The following SPAG9 variants were observed in gnomAD, a reference collection of about 807,000 sequenced individuals.
The protein encoded by SPAG9 is C-Jun-amino-terminal kinase-interacting protein 4.
Under a neutral mutation model 166.5 loss-of-function variants are expected in SPAG9, and 35 were observed. The ratio of observed to expected loss-of-function variants is 0.21; its 90% CI spans 0.16 to 0.28. The LOEUF (loss-of-function observed/expected upper bound fraction) is 0.28. SPAG9 is among the 10% of genes least tolerant of loss of function. SPAG9 has a pLI of 1.00. For synonymous variants in SPAG9, 534 were observed against 565.5 expected (o/e 0.94, Z 0.79); for missense variants, 1,235 against 1,603.3 (o/e 0.77, Z 3.92).
intron 6 of SPAG9, among the ~76,000 whole-genome samples, chr17:51,026,866 AG>A (rs1404549415): frequency 6.6e-6 from 1 of 151,598 alleles, no homozygotes; most frequent in Admixed American, 6.6e-5. Context: ...AGTAGAGACG[AG>A]GTTTCTCCAT....
chr17:51,117,648 G>A (rs970094091), intron 1 of SPAG9, among the ~76,000 whole-genome samples: 2 of 140,606 alleles, frequency 1.4e-5, no homozygotes, highest in African/African-American at 5.4e-5. Flanking sequence ...GGCGGAGGCT[G>A]CAGTGAGTCA....
intron 5 of SPAG9, among the ~76,000 whole-genome samples, chr17:51,033,541 A>G (rs1462255752): frequency 1.3e-5 from 2 of 152,250 alleles, no homozygotes; most frequent in African/African-American, 4.8e-5. Flanking sequence ...TTTTAGACAC[A>G]GGATCTTGCG....
intron 3 of SPAG9, among the ~76,000 whole-genome samples, chr17:51,054,116 C>CTTTT (rs1157639358): frequency 2.7e-4 from 20 of 73,958 alleles, no homozygotes; most frequent in East Asian, 5.0e-4. Flanking sequence ...AATGTGAGGG[C>CTTTT]TTTTTTTTTT....
At chr17:51,010,560 C>T (rs889843668) in intron 9 of SPAG9, among the ~76,000 whole-genome samples, 6 of 88,748 alleles carry the variant, frequency 6.8e-5, no homozygotes, top group Non-Finnish European at 1.3e-4. Context: ...TTAAGCAAGG[C>T]AAGAAAAGAA....
chr17:50,991,645 CAG>C (rs1184371389), intron 19 of SPAG9, among the ~76,000 whole-genome samples: 1 of 150,184 alleles, frequency 6.7e-6, no homozygotes, highest in African/African-American at 2.5e-5. Flanking sequence ...TTTTTGGCGA[CAG>C]AGTTTCACTC....
rs375644820 is a variant in SPAG9, at chr17:51,046,370, C to A, written c.590+1005G>T. On this transcript the variant is annotated intron_variant, in intron 4 of 29. Coordinates refer to ENST00000262013, the MANE Select transcript of SPAG9 (RefSeq NM_001130528.3). ...TCTATAAATTACTATAAATTAGAATCAAAAATCCTAGCTTCAGGCCATTTT... is the reference window on the plus strand; with the variant it reads ...TCTATAAATTACTATAAATTAGAATAAAAAATCCTAGCTTCAGGCCATTTT... The A allele has an allele frequency of 3.4e-4, 220 of 649,332 alleles. No individual in the cohort carries two copies. The East Asian group carries it at 4.4e-3, about 13-fold the overall frequency. 40.2% of individuals were successfully genotyped at this position (649,332 alleles called of 1,614,324 possible).
intron 4 of SPAG9, chr17:51,047,014 C>A: frequency 1.7e-6 from 2 of 1,180,600 alleles, no homozygotes; most frequent in Non-Finnish European, 2.2e-6. Context: ...GCTAGCTAAC[C>A]CTTTCAAACA....
At position 50,982,647 on chromosome 17, in the gene SPAG9, A is replaced by G. The variant is rs74915161; in HGVS notation, c.3114T>C (p.Tyr1038=). 1.7e-3 allele frequency: 2,728 copies of G among 1,610,730 alleles called. 53 individuals carry two copies. In the African/African-American group the frequency reaches 0.033, roughly 19 times the overall value. ...GAGGCCGTCCAAGGTCTAAGAGGTGATAGTTTGACAAATCCCACTGCCCAT... is the reference window on the plus strand; with the variant it reads ...GAGGCCGTCCAAGGTCTAAGAGGTGGTAGTTTGACAAATCCCACTGCCCAT... ...GVDGQWDLSN[Y]HLLDLGRPHH... The change falls in exon 25 of 30, where the codon TAT becomes TAC. Residue 1038 remains tyrosine, a synonymous_variant. Transcript: ENST00000262013.
Position 51,021,338 on chromosome 17 carries a change from C to T in SPAG9, c.811G>A (p.Gly271Arg), listed in dbSNP as rs1426743677. ...EDELSDVSQG[G>R]SKATTPASTA... is the part of the protein sequence containing the mutation. The stretch of plus-strand genomic sequence containing the variant: ...GATGCTGGAGTGGTAGCTTTAGATC[C>T]GCCTTGGCTAACATCAGAAAGCTCA... The change falls in exon 7 of 30, where the codon GGA (glycine) becomes AGA (arginine). Residue 271 changes from glycine to arginine, a missense_variant. Gly to Arg is a moderately radical substitution (Grantham distance 125). Coordinates refer to ENST00000262013, the MANE Select transcript of SPAG9 (RefSeq NM_001130528.3). 3.7e-6 allele frequency: 6 copies of T among 1,612,780 alleles called. No homozygotes were observed. The highest frequency in any genetic ancestry group is 2.7e-5 in the African/African-American group (2 of 74,842).
intron 25 of SPAG9, among the ~76,000 whole-genome samples, chr17:50,980,958 C>A (rs145504739): frequency 6.6e-6 from 1 of 152,230 alleles, no homozygotes; most frequent in Non-Finnish European, 1.5e-5. Flanking sequence ...GCTATGATTG[C>A]GCCCCTGCAC....
At chr17:50,981,172 A>G (rs1325340780) in intron 25 of SPAG9, among the ~76,000 whole-genome samples, 2 of 151,270 alleles carry the variant, frequency 1.3e-5, no homozygotes, top group Admixed American at 1.3e-4. Context: ...GTCACGCTGA[A>G]CACAGTATTT....
intron 28 of SPAG9, among the ~76,000 whole-genome samples, chr17:50,973,764 G>C (rs947467577): frequency 2.6e-5 from 4 of 152,154 alleles, no homozygotes; most frequent in African/African-American, 9.7e-5. Flanking sequence ...AGCCTTAGAA[G>C]AAAAAGACTG....
chr17:50,973,169 C>T (rs1973951955), intron 28 of SPAG9, among the ~76,000 whole-genome samples: 1 of 152,148 alleles, frequency 6.6e-6, no homozygotes, highest in South Asian at 2.1e-4. Flanking sequence ...ATATAAAACA[C>T]AACATTTAAC....
At chr17:51,037,088 C>T (rs1178141647) in intron 5 of SPAG9, among the ~76,000 whole-genome samples, 3 of 152,062 alleles carry the variant, frequency 2.0e-5, no homozygotes, top group African/African-American at 7.2e-5. Context: ...TCAGTCTTAG[C>T]CCATGACTAT....
At chr17:51,114,897 A>G (rs2049239327) in intron 1 of SPAG9, among the ~76,000 whole-genome samples, 1 of 151,858 alleles carries the variant, frequency 6.6e-6, no homozygotes, top group African/African-American at 2.4e-5. Context: ...GGTTGCAATG[A>G]GCTGGGATAG....
At chr17:51,007,749 T>C (rs974945398) in intron 9 of SPAG9, 1 of 406,556 alleles carries the variant, frequency 2.5e-6, no homozygotes, top group Non-Finnish European at 4.8e-6. Context: ...CCTCGTAGGC[T>C]TTTGCCTAAA....
chr17:51,049,825 T>G (rs1172384721), intron 3 of SPAG9, among the ~76,000 whole-genome samples: 2 of 152,222 alleles, frequency 1.3e-5, no homozygotes, highest in African/African-American at 4.8e-5. Context: ...CTCAAACTCC[T>G]GACCTCAAGT....
intron 3 of SPAG9, among the ~76,000 whole-genome samples, chr17:51,049,715 GCCTCCC>G (rs2047129613): frequency 1.3e-5 from 2 of 151,964 alleles, no homozygotes; most frequent in African/African-American, 4.8e-5. Flanking sequence ...AAGCGATTCT[GCCTCCC>G]AAGTAGCTGG....
chr17:51,021,048 AT>A, intron 7 of SPAG9, 109 bp downstream of exon 7: 1 of 896,034 alleles, frequency 1.1e-6, no homozygotes, highest in Non-Finnish European at 1.8e-6. Flanking sequence ...ATATCTGCCT[AT>A]TTTATAAATA....
Sources: gnomAD v4.1 joint callset for allele counts (sites outside exome capture counted in the v4.1 genomes callset) on GRCh38, gnomAD v4.1.1 for gene constraint, MANE v1.5 for transcripts, NCBI Gene and HGNC (gene_info 2026-07-23, HGNC 2026-07-21) for gene names.